The following ARFGAP3 variants were observed in gnomAD, a reference collection of about 807,000 sequenced individuals.
The protein encoded by ARFGAP3 is ARF GTPase activating protein 3.
A neutral mutation model predicts 75.0 loss-of-function variants in ARFGAP3; 72 were observed. The ratio of observed to expected loss-of-function variants is 0.96; its 90% CI spans 0.79 to 1.17. ARFGAP3 has a LOEUF of 1.17. ARFGAP3 is among the 50% of genes most tolerant of loss of function. The pLI is 0.00. For missense variants in ARFGAP3, 620 were observed against 626.6 expected, an observed-to-expected ratio of 0.99 and a Z score of 0.11; for synonymous variants, 221 against 217.9, an observed-to-expected ratio of 1.01 and a Z score of -0.13.
chr22:42,850,220 G>A (rs1361236851), intron 1 of ARFGAP3, among the ~76,000 whole-genome samples: 1 of 151,694 alleles, frequency 6.6e-6, no homozygotes, highest in Non-Finnish European at 1.5e-5. Flanking sequence ...CTCCGAATAG[G>A]GAAAAAATTC....
intron 14 of ARFGAP3, among the ~76,000 whole-genome samples, chr22:42,800,576 A>C (rs923029492): frequency 6.6e-6 from 1 of 152,128 alleles, no homozygotes; most frequent in African/African-American, 2.4e-5. Context: ...TCTGAGAATA[A>C]AACAGAACTG....
At chr22:42,839,299 A>G (rs1297647127) in intron 3 of ARFGAP3, among the ~76,000 whole-genome samples, 2 of 151,970 alleles carry the variant, frequency 1.3e-5, no homozygotes, top group Non-Finnish European at 2.9e-5. Flanking sequence ...ATTTAAAGAC[A>G]TGAAGAATGG....
intron 9 of ARFGAP3, among the ~76,000 whole-genome samples, chr22:42,820,075 A>ACTCCATCCAGCTTACCTGCAGCTT (rs1209714522): frequency 2.6e-5 from 4 of 151,570 alleles, no homozygotes; most frequent in Non-Finnish European, 5.9e-5. Context: ...ACCAGACTTC[A>ACTCCATCCAGCTTACCTGCAGCTT]CTCCATCCAG....
intron 3 of ARFGAP3, among the ~76,000 whole-genome samples, chr22:42,840,075 T>C (rs1252527450): frequency 6.6e-6 from 1 of 151,884 alleles, no homozygotes; most frequent in Non-Finnish European, 1.5e-5. Flanking sequence ...GGACTACAGG[T>C]ATGCACCACC....
intron 12 of ARFGAP3, among the ~76,000 whole-genome samples, chr22:42,809,578 T>C (rs2146532956): frequency 6.6e-6 from 1 of 151,266 alleles, no homozygotes. Flanking sequence ...ACAAAGGGCA[T>C]GGGGAAAATT....
chr22:42,857,206 G>C lies in ARFGAP3; in HGVS notation c.-24C>G. 1 of 1,505,268 alleles carries C rather than the reference G, an allele frequency of 6.6e-7. No homozygotes were observed. The allele number at this position is 1,505,268 out of a possible 1,614,324, so 93.2% of individuals were successfully genotyped here. Reference sequence around the variant, plus strand: ...ATCGTCAGCTGTGAGCCGCGGCGCAGCTGGCCCAGCCAACCGGTAAGAGTC... The same window carrying C: ...ATCGTCAGCTGTGAGCCGCGGCGCACCTGGCCCAGCCAACCGGTAAGAGTC... On this transcript the variant is annotated 5_prime_UTR_variant, in exon 1 of 16. Coordinates refer to ENST00000263245, the MANE Select transcript of ARFGAP3 (RefSeq NM_014570.5).
intron 1 of ARFGAP3, among the ~76,000 whole-genome samples, chr22:42,849,473 T>TTTTGGC (rs372224298): frequency 1.7e-5 from 2 of 116,280 alleles, no homozygotes; most frequent in Non-Finnish European, 3.9e-5. Context: ...TCTTTATGGC[T>TTTTGGC]TTTTTTCTTT....
chr22:42,796,721 G>A lies in ARFGAP3; in HGVS notation c.*867C>T, dbSNP rs774497416. On this transcript the variant is annotated 3_prime_UTR_variant, in exon 16 of 16. Coordinates refer to ENST00000263245, the MANE Select transcript of ARFGAP3 (RefSeq NM_014570.5). ...TTCTTTATTTGTTTATACACATTCGGTAATTTCTGAAAAGCAAGATTTAAA... is the reference window on the plus strand; with the variant it reads ...TTCTTTATTTGTTTATACACATTCGATAATTTCTGAAAAGCAAGATTTAAA... 1 of 152,152 alleles carries A rather than the reference G, an allele frequency of 6.6e-6. No individual in the cohort carries two copies. The highest frequency in any genetic ancestry group is 1.5e-5 in the Non-Finnish European group (1 of 68,042). The allele number at this position is 152,152 out of a possible 1,614,324, so 9.4% of individuals were successfully genotyped here.
intron 1 of ARFGAP3, among the ~76,000 whole-genome samples, chr22:42,854,644 A>T (rs1927420718): frequency 6.6e-6 from 1 of 152,068 alleles, no homozygotes; most frequent in South Asian, 2.1e-4. Flanking sequence ...AAAAAGAAAG[A>T]AAAAGAAAAA....
chr22:42,799,002 C>T (rs777578727), intron 15 of ARFGAP3, 37 bp downstream of exon 15: 3 of 1,576,544 alleles, frequency 1.9e-6, no homozygotes, highest in Non-Finnish European at 1.7e-6. Flanking sequence ...GCTGAACCTA[C>T]CGTCATAGCC....
At chr22:42,802,474 T>C (rs1281223304) in intron 14 of ARFGAP3, among the ~76,000 whole-genome samples, 2 of 150,410 alleles carry the variant, frequency 1.3e-5, no homozygotes, top group African/African-American at 2.4e-5. Flanking sequence ...TTGTATTTTT[T>C]AGTAGAGATG....
At chr22:42,805,123 T>A (rs1412114375) in intron 14 of ARFGAP3, among the ~76,000 whole-genome samples, 1 of 151,986 alleles carries the variant, frequency 6.6e-6, no homozygotes, top group African/African-American at 2.4e-5. Context: ...AGTTTCTGGG[T>A]GGCCTCTCAC....
At chr22:42,843,940 C>T (rs150287499) in intron 2 of ARFGAP3, among the ~76,000 whole-genome samples, 15 of 152,290 alleles carry the variant, frequency 9.8e-5, no homozygotes, top group South Asian at 2.1e-4. Flanking sequence ...TGCCTTCCCC[C>T]CTTTGCTTGG....
At chr22:42,836,654 T>G (rs1030355367) in intron 3 of ARFGAP3, among the ~76,000 whole-genome samples, 2 of 152,202 alleles carry the variant, frequency 1.3e-5, no homozygotes, top group African/African-American at 4.8e-5. Flanking sequence ...AATTCATATC[T>G]TAATTAAAAC....
At chr22:42,852,744 T>C (rs958438588) in intron 1 of ARFGAP3, among the ~76,000 whole-genome samples, 2 of 152,056 alleles carry the variant, frequency 1.3e-5, no homozygotes, top group African/African-American at 4.8e-5. Flanking sequence ...TTGATCTCCA[T>C]TTTATTTATT....
chr22:42,823,858 A>G (rs1925919557), intron 7 of ARFGAP3, 156 bp from the exon 8 acceptor site: 1 of 652,246 alleles, frequency 1.5e-6, no homozygotes, highest in Non-Finnish European at 1.9e-6. Flanking sequence ...GTTGATAAGC[A>G]TATTTTGGAT....
chr22:42,854,363 G>A (rs905336259), intron 1 of ARFGAP3, among the ~76,000 whole-genome samples: 9 of 152,318 alleles, frequency 5.9e-5, no homozygotes, highest in Non-Finnish European at 1.0e-4. Context: ...GGTGGCTCAC[G>A]CCTGTAATCA....
intron 14 of ARFGAP3, among the ~76,000 whole-genome samples, chr22:42,802,801 C>T (rs1924936488): frequency 6.6e-6 from 1 of 151,218 alleles, no homozygotes. Context: ...TGTGGTTTCA[C>T]CATGTTAGCC....
In ARFGAP3 at chr22:42,810,945, C is replaced by T; in HGVS notation, c.1065-1G>A. On this transcript the variant is annotated splice_acceptor_variant, in intron 11 of 15. Transcript: ENST00000263245. LOFTEE classifies it high-confidence loss of function. The stretch of plus-strand genomic sequence containing the variant: ...TAACTCCACTGGCTCGTCAAAGTAA[C>T]TGTAGGAGCAAGAGTACAACAGTGA... 1 of 1,613,846 alleles carries T rather than the reference C, an allele frequency of 6.2e-7. No homozygotes were observed. Among genetic ancestry groups the T allele is most frequent in the Non-Finnish European group, 8.5e-7 (1 of 1,179,822 alleles).
Sources: allele counts gnomAD v4.1 joint callset (sites outside exome capture counted in the v4.1 genomes callset), GRCh38; gene constraint gnomAD v4.1.1; transcripts MANE v1.5; gene names NCBI Gene and HGNC (gene_info 2026-07-23, HGNC 2026-07-21).